Variants in SAXO1 observed in about 807,000 individuals in gnomAD.
SAXO1 encodes stabilizer of axonemal microtubules 1.
A neutral mutation model predicts 17.5 loss-of-function variants in SAXO1; 21 were observed. The ratio of observed to expected loss-of-function variants is 1.20; its 90% CI spans 0.85 to 1.72. The LOEUF is 1.72. Among genes scored for constraint, SAXO1 ranks in the 40% most tolerant of loss-of-function variants. The probability of loss-of-function intolerance (pLI) is 0.00; values close to 1 mark genes in which losing one functional copy is unlikely to be tolerated. For synonymous variants in SAXO1, 274 were observed against 216.5 expected (o/e 1.27, Z -2.33); for missense variants, 843 against 596.0 (o/e 1.41, Z -4.32).
At chr9:18,976,157 G>A (rs1484113555) in intron 1 of SAXO1, among the ~76,000 whole-genome samples, 1 of 152,198 alleles carries the variant, frequency 6.6e-6, no homozygotes, top group African/African-American at 2.4e-5. Flanking sequence ...AGCACTCTAA[G>A]CCAGGATATG....
chr9:19,035,535 A>T (rs997071889), upstream of SAXO1, among the ~76,000 whole-genome samples: 2 of 152,208 alleles, frequency 1.3e-5, no homozygotes, highest in Admixed American at 1.3e-4. Flanking sequence ...GTTACCCAAA[A>T]ATGAGGAAGC....
intron 1 of SAXO1, among the ~76,000 whole-genome samples, chr9:19,023,798 A>T (rs1426735807): frequency 6.6e-6 from 1 of 150,746 alleles, no homozygotes; most frequent in Non-Finnish European, 1.5e-5. Flanking sequence ...GAAGGGAGGG[A>T]GGAAAGCAAG....
At chr9:19,001,621 C>T (rs112677311) in intron 1 of SAXO1, among the ~76,000 whole-genome samples, 2,953 of 150,260 alleles carry the variant, frequency 0.02, 86 homozygotes, top group African/African-American at 0.069. Flanking sequence ...GAGCCGAGAT[C>T]GCGCATTGCA....
chr9:18,993,209 C>T (rs1483562593), intron 1 of SAXO1, among the ~76,000 whole-genome samples: 3 of 151,808 alleles, frequency 2.0e-5, no homozygotes, highest in Admixed American at 6.6e-5. Flanking sequence ...CCTATCAACA[C>T]GTCATCTAGG....
At chr9:18,986,538 A>T (rs1174128037) in intron 1 of SAXO1, among the ~76,000 whole-genome samples, 1 of 152,178 alleles carries the variant, frequency 6.6e-6, no homozygotes, top group East Asian at 1.9e-4. Context: ...ATAAAATGGG[A>T]ATTTGACCTT....
chr9:18,972,751 T>C (rs1343024676), intron 1 of SAXO1, among the ~76,000 whole-genome samples: 2 of 152,206 alleles, frequency 1.3e-5, no homozygotes, highest in East Asian at 1.9e-4. Context: ...AAATTCCATC[T>C]CTTTCCTTAT....
chr9:18,989,580 A>ACC (rs35326754), intron 1 of SAXO1, among the ~76,000 whole-genome samples: 90 of 146,340 alleles, frequency 6.2e-4, no homozygotes, highest in African/African-American at 1.1e-3. Context: ...ACACACACAC[A>ACC]CCCATCTCGT....
In SAXO1 at chr9:18,945,557, C is replaced by T. The variant is rs116197125; in HGVS notation, c.219-3718G>A. Among the ~76,000 whole-genome samples, 298 of 152,332 alleles carry T rather than the reference C, an allele frequency of 2.0e-3. 1 individual carries two copies. Among genetic ancestry groups the T allele is most frequent in the African/African-American group, 7.0e-3 (292 of 41,582 alleles). The stretch of plus-strand genomic sequence containing the variant: ...CCATCCCATTGTGCTGCAAAAGATC[C>T]TTGGCTGAATCACAGGGTTTGATTC... On this transcript the variant is annotated intron_variant, in intron 2 of 3. Coordinates refer to ENST00000380534, the MANE Select transcript of SAXO1 (RefSeq NM_153707.4).
intron 1 of SAXO1, chr9:19,027,537 T>C: frequency 9.3e-7 from 1 of 1,079,404 alleles, no homozygotes; most frequent in South Asian, 1.2e-5. Flanking sequence ...GAGAAGACCC[T>C]CCTGGCCTGG....
upstream of SAXO1, among the ~76,000 whole-genome samples, chr9:19,034,276 G>T (rs561709553): frequency 5.3e-5 from 8 of 152,140 alleles, no homozygotes; most frequent in East Asian, 9.7e-4. Flanking sequence ...TTTTGTGTGG[G>T]GGGGGTTAGG....
At chr9:18,948,244 C>A (rs1831876913) in intron 2 of SAXO1, among the ~76,000 whole-genome samples, 1 of 152,120 alleles carries the variant, frequency 6.6e-6, no homozygotes, top group African/African-American at 2.4e-5. Flanking sequence ...TAGTGCCTAT[C>A]ATGGCAGGCA....
intron 1 of SAXO1, among the ~76,000 whole-genome samples, chr9:19,020,242 T>C (rs1277767297): frequency 2.0e-5 from 3 of 152,204 alleles, no homozygotes; most frequent in Admixed American, 6.5e-5. Flanking sequence ...ACCTCCATTA[T>C]GACTATGTGT....
chr9:18,980,477 C>T (rs576531185), intron 1 of SAXO1, among the ~76,000 whole-genome samples: 4 of 143,280 alleles, frequency 2.8e-5, no homozygotes, highest in African/African-American at 1.0e-4. Flanking sequence ...CTAAGGAAGG[C>T]CTTGCCAAAA....
chr9:18,966,933 G>C (rs1832742042), intron 1 of SAXO1, among the ~76,000 whole-genome samples: 1 of 152,032 alleles, frequency 6.6e-6, no homozygotes, highest in Non-Finnish European at 1.5e-5. Context: ...TTTTTATGTG[G>C]GCATGCTTTT....
intron 3 of SAXO1, among the ~76,000 whole-genome samples, chr9:18,932,155 G>C (rs375798716): frequency 5.3e-5 from 8 of 152,268 alleles, no homozygotes; most frequent in African/African-American, 1.7e-4. Flanking sequence ...TTTCTCCCAT[G>C]TTTTATTTTG....
At chr9:19,048,071 G>T (rs1588583184) in intron 1 of SAXO1, among the ~76,000 whole-genome samples, 1 of 152,116 alleles carries the variant, frequency 6.6e-6, no homozygotes, top group Non-Finnish European at 1.5e-5. Context: ...GGCCATTTTT[G>T]AACTTCTTTT....
chr9:19,021,284 C>T (rs140899632), intron 1 of SAXO1, among the ~76,000 whole-genome samples: 29 of 152,326 alleles, frequency 1.9e-4, no homozygotes, highest in African/African-American at 5.8e-4. Flanking sequence ...AGACAGCCAA[C>T]GTGCAGAGGA....
At chr9:18,949,629 G>A (rs376436156) in intron 2 of SAXO1, among the ~76,000 whole-genome samples, 15 of 152,106 alleles carry the variant, frequency 9.9e-5, no homozygotes, top group South Asian at 2.1e-4. Context: ...TGGACTTCCC[G>A]TGGATCTAGA....
At chr9:19,038,124 T>A (rs994602379), upstream of SAXO1, among the ~76,000 whole-genome samples, 1 of 152,146 alleles carries the variant, frequency 6.6e-6, no homozygotes, top group African/African-American at 2.4e-5. Flanking sequence ...CCGGAGAGGA[T>A]GTGGAGAAAC....
Sources: allele counts gnomAD v4.1 joint callset (sites outside exome capture counted in the v4.1 genomes callset), GRCh38; gene constraint gnomAD v4.1.1; transcripts MANE v1.5; gene names NCBI Gene and HGNC (gene_info 2026-07-23, HGNC 2026-07-21).